The following NUDT17 variants were observed in gnomAD, a reference collection of about 807,000 sequenced individuals.
The protein encoded by NUDT17 is m7GpppN-mRNA hydrolase NUDT17.
In NUDT17, 38 loss-of-function variants were observed where a neutral mutation model predicts 38.6. That is an observed-to-expected ratio of 0.98 (90% CI 0.76 to 1.29). The LOEUF is 1.29. Among genes scored for constraint, NUDT17 ranks in the 50% most tolerant of loss-of-function variants. NUDT17 has a pLI of 0.00. For synonymous variants in NUDT17, 192 were observed against 167.8 expected (o/e 1.14, Z -1.11); for missense variants, 462 against 415.2 (o/e 1.11, Z -0.98).
rs1553732347 is a variant in NUDT17, at chr1:145,846,091, G to A, written c.271G>A (p.Val91Met). Residue 91 changes from valine (V) to methionine (M), a missense_variant, in exon 2 of 8, where the codon GTG becomes ATG. By Grantham distance (21) the Val-to-Met change is conservative. Coordinates refer to ENST00000334513, the MANE Select transcript of NUDT17 (RefSeq NM_001012758.3). ...PGAELPTDRG[V>M]DLGVAVILQS... ...GGCTGAGCTGCCCACAGATCGAGGT[G>A]TGGACCTGGGTGTGGCCGTCATTCT... 3.7e-6 allele frequency: 6 copies of A among 1,603,784 alleles called. No homozygotes were observed. Among genetic ancestry groups the A allele is most frequent in the Non-Finnish European group, 3.4e-6 (4 of 1,175,810 alleles).
At position 145,846,457 on chromosome 1, in the gene NUDT17, A is replaced by T. The variant is rs782099588; in HGVS notation, c.401A>T (p.Glu134Val). 11 of 1,613,270 alleles carry T rather than the reference A, an allele frequency of 6.8e-6. No homozygotes were observed. Among genetic ancestry groups the T allele is most frequent in the Middle Eastern group, 1.6e-4 (1 of 6,084 alleles). The change falls in exon 3 of 8, where the codon GAG (glutamate) becomes GTG (valine). Residue 134 changes from glutamate to valine, a missense_variant and splice_region_variant. By Grantham distance (121) the Glu-to-Val change is moderately radical. Transcript: ENST00000334513. ...GGTGGGCACGTGGAACTTGAGGAGG[A>T]GGTAACCAGTCAGCTGATCCAACCT... ...PPGGHVELEE[E>V]LLDGGLRELW...
At chr1:145,847,131 T>C in intron 4 of NUDT17, 119 bp from the exon 5 acceptor site, 2 of 618,520 alleles carry the variant, frequency 3.2e-6, no homozygotes, top group Non-Finnish European at 5.7e-6. Context: ...GAGGCAGAGG[T>C]TGCAGTGAGC....
At position 145,845,818 on chromosome 1, in the gene NUDT17, A is replaced by AGGCTTCCGCTC. The variant is rs782202596; in HGVS notation, c.179_189dup (p.Gln64GlyfsTer49). On this transcript the variant is annotated frameshift_variant, in exon 1 of 8. Coordinates refer to ENST00000334513, the MANE Select transcript of NUDT17 (RefSeq NM_001012758.3). LOFTEE classifies it high-confidence loss of function. ...CAGGCCCTTCCCAGGCGCCTCCGCT[A>AGGCTTCCGCTC]GGCTTCCGCTCCAGGTCGGCAGAAG... The AGGCTTCCGCTC allele has an allele frequency of 3.1e-6, 5 of 1,596,436 alleles. No individual in the cohort carries two copies. The South Asian group carries it at 3.4e-5, about 11-fold the overall frequency.
In NUDT17 at chr1:145,848,615, C is replaced by A; in HGVS notation, c.*136C>A. On this transcript the variant is annotated 3_prime_UTR_variant, in exon 8 of 8. Transcript: ENST00000334513. ...ACATAGGTCCTAGGCCTTGGCGAGC[C>A]TGAAAAAGAAGATTGGGAAGGAGGG... 3.0e-6 allele frequency: 2 copies of A among 677,100 alleles called. No individual in the cohort carries two copies. Among genetic ancestry groups the A allele is most frequent in the Non-Finnish European group, 2.5e-6 (1 of 400,760 alleles). 41.9% of individuals were successfully genotyped at this position (677,100 alleles called of 1,614,324 possible).
At position 145,845,778 on chromosome 1, in the gene NUDT17, G is replaced by C. The variant is rs1553732127; in HGVS notation, c.138G>C (p.Arg46=). 1.3e-6 allele frequency: 2 copies of C among 1,591,396 alleles called. No individual in the cohort carries two copies. Among genetic ancestry groups the C allele is most frequent in the African/African-American group, 1.3e-5 (1 of 74,700 alleles). Residue 46 remains arginine, a synonymous_variant, in exon 1 of 8, where the codon CGG becomes CGC. Transcript: ENST00000334513. The part of the protein sequence containing the change: ...WPIHCSLKRG[R]LVLSSRPFPG... Reference sequence around the variant, plus strand: ...TTCACTGCAGCTTGAAGCGAGGACGGCTTGTCCTCTCGAGCAGGCCCTTCC... The same window carrying C: ...TTCACTGCAGCTTGAAGCGAGGACGCCTTGTCCTCTCGAGCAGGCCCTTCC...
At chr1:145,848,352 A>C in intron 7 of NUDT17, 25 bp from the exon 8 acceptor site, 3 of 1,612,826 alleles carry the variant, frequency 1.9e-6, no homozygotes, top group East Asian at 4.5e-5. Context: ...AGGAAAGGAC[A>C]ACCTCTCTTG....
At chr1:145,846,252 G>GC (rs1356577330) in intron 2 of NUDT17, 56 bp downstream of exon 2, 7 of 1,525,636 alleles carry the variant, frequency 4.6e-6, no homozygotes, top group Non-Finnish European at 6.2e-6. Context: ...CCCTTTCCCC[G>GC]CAACAATGTT....
chr1:145,846,701 T>G lies in NUDT17; in HGVS notation c.495+11T>G, dbSNP rs1559159185. 1.3e-6 allele frequency: 2 copies of G among 1,577,298 alleles called. No homozygotes were observed. Among genetic ancestry groups the G allele is most frequent in the Non-Finnish European group, 1.7e-6 (2 of 1,146,496 alleles). On this transcript the variant is annotated intron_variant, in intron 4 of 7. Coordinates refer to ENST00000334513, the MANE Select transcript of NUDT17 (RefSeq NM_001012758.3). ...CTGGGTTTATGGGAGGTGAGACAAG[T>G]AGCTGGGAGAAGCTCCTCCATAGAT...
chr1:145,847,496 C>T lies in NUDT17; in HGVS notation c.595-87C>T, dbSNP rs1652761530. On this transcript the variant is annotated intron_variant, in intron 5 of 7. Transcript: ENST00000334513. ...GCCCTTTCCCCTTGCTCCTGCCTTTCTCCATGAAACCTGCGGGTAGGTTTT... is the reference window on the plus strand; with the variant it reads ...GCCCTTTCCCCTTGCTCCTGCCTTTTTCCATGAAACCTGCGGGTAGGTTTT... 1.2e-5 allele frequency: 18 copies of T among 1,564,816 alleles called. No homozygotes were observed. The South Asian group carries it at 2.0e-4, about 17-fold the overall frequency.
chr1:145,847,548 G>C (rs1553732894), intron 5 of NUDT17, 35 bp from the exon 6 acceptor site: 1 of 1,609,908 alleles, frequency 6.2e-7, no homozygotes, highest in East Asian at 2.2e-5. Context: ...CCCAGGGAGA[G>C]GCAATGACTG....
At chr1:145,847,870 C>A in intron 6 of NUDT17, 151 bp downstream of exon 6, 1 of 872,748 alleles carries the variant, frequency 1.1e-6, no homozygotes, top group South Asian at 1.7e-5. Flanking sequence ...TACATGAAAT[C>A]TAAGACACTG....
At chr1:145,847,079 A>G (rs1183308050) in intron 4 of NUDT17, among the ~76,000 whole-genome samples, 171 bp from the exon 5 acceptor site, 1 of 152,134 alleles carries the variant, frequency 6.6e-6, no homozygotes, top group Non-Finnish European at 1.5e-5. Flanking sequence ...CTGTAATCCC[A>G]GCTACTCTGG....
intron 4 of NUDT17, 110 bp downstream of exon 4, chr1:145,846,800 T>C: frequency 1.3e-6 from 1 of 784,192 alleles, no homozygotes; most frequent in Admixed American, 1.8e-5. Context: ...TCCATAACCC[T>C]CACCCATGTC....
In NUDT17 at chr1:145,848,738, T is replaced by C. The variant is rs1051658498; in HGVS notation, c.*259T>C. On this transcript the variant is annotated 3_prime_UTR_variant, in exon 8 of 8. Transcript: ENST00000334513. ...AAGCTTAGGGGGGAATAAGAAACAC[T>C]GTGAACTTAGATATATAAATAGAGA... The C allele has an allele frequency of 4.4e-5, 18 of 413,762 alleles. 1 individual carries two copies. Among genetic ancestry groups the C allele is most frequent in the Non-Finnish European group, 6.9e-5 (16 of 231,630 alleles). The allele number at this position is 413,762 out of a possible 1,614,324, so 25.6% of individuals were successfully genotyped here. A position where few individuals can be genotyped will look rare whatever the true frequency, so the allele number is the denominator to read the frequency against.
At chr1:145,848,331 C>CG in intron 7 of NUDT17, 46 bp from the exon 8 acceptor site, 1 of 1,611,490 alleles carries the variant, frequency 6.2e-7, no homozygotes, top group Admixed American at 1.7e-5. Context: ...TTTACAGGCA[C>CG]GGGGGAAAGC....
rs782107953 is a variant in NUDT17, at chr1:145,848,211, A to G, written c.831A>G (p.Arg277=). The G allele has an allele frequency of 1.2e-6, 2 of 1,614,212 alleles. No homozygotes were observed. The highest frequency in any genetic ancestry group is 1.6e-4 in the Middle Eastern group (1 of 6,062). The change falls in exon 7 of 8, where the codon AGA becomes AGG. Residue 277 remains arginine (R), a synonymous_variant. Transcript: ENST00000334513. ...MIPTMAEDKE[R]VSTGTKFALK... ...CAACCATGGCAGAGGACAAAGAGAGAGTCAGCACTGGAACCAAGTTTGCCC... is the reference window on the plus strand; with the variant it reads ...CAACCATGGCAGAGGACAAAGAGAGGGTCAGCACTGGAACCAAGTTTGCCC...
At chr1:145,846,393 GACC>G in intron 2 of NUDT17, 37 bp from the exon 3 acceptor site, 1 of 1,613,606 alleles carries the variant, frequency 6.2e-7, no homozygotes, top group Non-Finnish European at 8.5e-7. Flanking sequence ...CCCTGGCCAA[GACC>G]ACCACCATTC....
At position 145,848,481 on chromosome 1, in the gene NUDT17, G is replaced by A; in HGVS notation, c.*2G>A. Reference sequence around the variant, plus strand: ...CCAAACCAGGGGTCTGGAAAGTGAAGTGTAAAATCCCCTCCCTAGCCCATC... The same window carrying A: ...CCAAACCAGGGGTCTGGAAAGTGAAATGTAAAATCCCCTCCCTAGCCCATC... On this transcript the variant is annotated 3_prime_UTR_variant, in exon 8 of 8. Coordinates refer to ENST00000334513, the MANE Select transcript of NUDT17 (RefSeq NM_001012758.3). The A allele has an allele frequency of 6.2e-7, 1 of 1,603,656 alleles. No individual in the cohort carries two copies. The highest frequency in any genetic ancestry group is 8.5e-7 in the Non-Finnish European group (1 of 1,171,038).
Position 145,846,117 on chromosome 1 carries a change from G to T in NUDT17, c.297G>T (p.Leu99=). ...TGGACCTGGGTGTGGCCGTCATTCT[G>T]CAGTCCAGCGACAAGACTGTCTTGC... The part of the protein sequence containing the change: ...RGVDLGVAVI[L]QSSDKTVLLT... The change falls in exon 2 of 8, where the codon CTG becomes CTT. Residue 99 remains leucine, a synonymous_variant. Transcript: ENST00000334513. The T allele has an allele frequency of 6.2e-7, 1 of 1,601,076 alleles. No homozygotes were observed. Among genetic ancestry groups the T allele is most frequent in the Non-Finnish European group, 8.5e-7 (1 of 1,174,348 alleles).
Sources: gnomAD v4.1 joint callset for allele counts (sites outside exome capture counted in the v4.1 genomes callset) on GRCh38, gnomAD v4.1.1 for gene constraint, MANE v1.5 for transcripts, NCBI Gene and HGNC (gene_info 2026-07-23, HGNC 2026-07-21) for gene names.